Variants in HHAT observed in about 807,000 individuals in gnomAD.
The protein encoded by HHAT is hedgehog acyltransferase, also known as protein-cysteine N-palmitoyltransferase HHAT.
In HHAT, 47 loss-of-function variants were observed where a neutral mutation model predicts 70.8. The ratio of observed to expected loss-of-function variants is 0.66; its 90% CI spans 0.53 to 0.85. HHAT has a LOEUF of 0.85. Among genes scored for constraint, HHAT ranks in the 40% least tolerant of loss-of-function variants. The pLI is 0.00. For missense variants in HHAT, 609 were observed against 604.8 expected (o/e 1.01, Z -0.07); for synonymous variants, 228 against 247.6 (o/e 0.92, Z 0.74).
At chr1:210,443,286 C>T (rs1408302130) in intron 7 of HHAT, among the ~76,000 whole-genome samples, 24 of 151,844 alleles carry the variant, frequency 1.6e-4, no homozygotes, top group African/African-American at 5.6e-4. Context: ...TGTGATGCCT[C>T]CAGCTTTGTT....
Position 210,483,023 on chromosome 1 carries a change from G to T in HHAT, c.1007+18368G>T, listed in dbSNP as rs1464516823. 2.0e-5 allele frequency among the ~76,000 whole-genome samples: 3 copies of T among 152,176 alleles called. No individual in the cohort carries two copies. The East Asian group carries it at 5.8e-4, about 29-fold the overall frequency. Reference sequence around the variant, plus strand: ...AAACATAGCCTCTTTTGTGCTTGGGGATATTGGGGCTTTGGGGAGAGTTAT... The same window carrying T: ...AAACATAGCCTCTTTTGTGCTTGGGTATATTGGGGCTTTGGGGAGAGTTAT... On this transcript the variant is annotated intron_variant, in intron 8 of 11. Coordinates refer to ENST00000261458, the MANE Select transcript of HHAT (RefSeq NM_018194.6).
chr1:210,623,057 C>A (rs114887169), intron 10 of HHAT, among the ~76,000 whole-genome samples: 2,222 of 152,242 alleles, frequency 0.015, 42 homozygotes, highest in African/African-American at 0.051. Flanking sequence ...GTAGAATGAA[C>A]ATGGTGCAAG....
intron 10 of HHAT, 101 bp from the exon 11 acceptor site, chr1:210,623,425 G>T (rs547230191): frequency 4.5e-6 from 6 of 1,329,612 alleles, no homozygotes; most frequent in South Asian, 1.3e-5. Flanking sequence ...TGGGCTCTGT[G>T]GGGAGGCGTC....
intron 3 of HHAT, among the ~76,000 whole-genome samples, chr1:210,374,538 G>A (rs2090021583): frequency 6.6e-6 from 1 of 152,144 alleles, no homozygotes; most frequent in African/African-American, 2.4e-5. Context: ...TGCCTTTGGT[G>A]CTACCACTAG....
rs186750834 is a variant in HHAT at position 210,476,131 on chromosome 1, A to C, written c.1007+11476A>C. Among the ~76,000 whole-genome samples the C allele has an allele frequency of 1.1e-4, 17 of 152,362 alleles. No individual in the cohort carries two copies. In the East Asian group the frequency reaches 3.1e-3, roughly 28 times the overall value. On this transcript the variant is annotated intron_variant, in intron 8 of 11. Coordinates refer to ENST00000261458, the MANE Select transcript of HHAT (RefSeq NM_018194.6). ...GTTTTTTCTTCCTGTTAGACCAAGA[A>C]GAAAGGCAGAAGTTTTCTTATCCTT...
intron 9 of HHAT, among the ~76,000 whole-genome samples, chr1:210,579,299 G>T (rs1275354881): frequency 6.6e-6 from 1 of 152,082 alleles, no homozygotes; most frequent in East Asian, 1.9e-4. Flanking sequence ...TTAAAAAATA[G>T]TCAAACTCAT....
chr1:210,504,428 A>G (rs1221295331), intron 8 of HHAT, among the ~76,000 whole-genome samples: 1 of 152,226 alleles, frequency 6.6e-6, no homozygotes, highest in Non-Finnish European at 1.5e-5. Flanking sequence ...AAACAAGGCC[A>G]TGGAGGGATT....
intron 8 of HHAT, among the ~76,000 whole-genome samples, chr1:210,495,423 C>T (rs1298053654): frequency 1.3e-5 from 2 of 151,894 alleles, no homozygotes; most frequent in Non-Finnish European, 2.9e-5. Flanking sequence ...TAACTTTAGG[C>T]GTGTTAAATA....
intron 4 of HHAT, among the ~76,000 whole-genome samples, chr1:210,391,032 G>A (rs966872076): frequency 5.9e-5 from 9 of 152,176 alleles, no homozygotes; most frequent in Non-Finnish European, 4.4e-5. Context: ...GGGATTGCTG[G>A]ATCAAATGGT....
At chr1:210,632,449 G>A (rs150006215) in intron 11 of HHAT, among the ~76,000 whole-genome samples, 55 of 152,334 alleles carry the variant, frequency 3.6e-4, no homozygotes, top group African/African-American at 1.1e-3. Flanking sequence ...GTTGGACCAG[G>A]TGTGATGTTT....
At chr1:210,400,725 C>T (rs1373064159) in intron 5 of HHAT, 63 bp downstream of exon 5, 2 of 1,432,530 alleles carry the variant, frequency 1.4e-6, no homozygotes, top group Non-Finnish European at 1.9e-6. Context: ...GCCTTGATCC[C>T]AGTAGACACC....
At chr1:210,348,736 C>CGCGT (rs1553317704) in intron 1 of HHAT, among the ~76,000 whole-genome samples, 197 bp from the exon 2 acceptor site, 7 of 148,034 alleles carry the variant, frequency 4.7e-5, no homozygotes, top group South Asian at 2.2e-4. Context: ...TGTATGTGTG[C>CGCGT]GTGTGTGTGT....
chr1:210,541,384 G>A (rs1013236013), intron 9 of HHAT, among the ~76,000 whole-genome samples: 1 of 152,064 alleles, frequency 6.6e-6, no homozygotes, highest in East Asian at 1.9e-4. Flanking sequence ...CTCTTTGAGG[G>A]TAAAGGCTTA....
At chr1:210,650,095 A>G (rs1284216021) in intron 11 of HHAT, among the ~76,000 whole-genome samples, 1 of 152,196 alleles carries the variant, frequency 6.6e-6, no homozygotes, top group Admixed American at 6.5e-5. Context: ...GATGCTGAGG[A>G]CTGGGATATT....
At chr1:210,428,119 A>AT (rs11403081) in intron 7 of HHAT, among the ~76,000 whole-genome samples, 65,296 of 149,810 alleles carry the variant, frequency 0.44, 14,639 homozygotes, top group Admixed American at 0.53. Context: ...ACAATCCCTG[A>AT]TTTTTTCTGT....
intron 4 of HHAT, among the ~76,000 whole-genome samples, chr1:210,399,143 C>G (rs1007158021): frequency 6.6e-6 from 1 of 152,334 alleles, no homozygotes; most frequent in Non-Finnish European, 1.5e-5. Flanking sequence ...TTCCTGGGAT[C>G]CACATTTTAA....
At chr1:210,601,405 G>A (rs568089001) in intron 10 of HHAT, among the ~76,000 whole-genome samples, 13 of 152,164 alleles carry the variant, frequency 8.5e-5, no homozygotes, top group African/African-American at 2.9e-4. Context: ...GAAGAGCTGT[G>A]GCATTTGGTA....
chr1:210,626,299 G>A (rs1311477422), intron 11 of HHAT, among the ~76,000 whole-genome samples: 1 of 152,194 alleles, frequency 6.6e-6, no homozygotes, highest in African/African-American at 2.4e-5. Flanking sequence ...AACCCGGTCT[G>A]CTGCTGCCTC....
chr1:210,526,709 C>A (rs1032248095), intron 9 of HHAT, among the ~76,000 whole-genome samples: 4 of 151,626 alleles, frequency 2.6e-5, no homozygotes, highest in Non-Finnish European at 5.9e-5. Flanking sequence ...CTCTTCCAAT[C>A]TCAACAGCCT....
Sources: allele counts gnomAD v4.1 joint callset (sites outside exome capture counted in the v4.1 genomes callset), GRCh38; gene constraint gnomAD v4.1.1; transcripts MANE v1.5; gene names NCBI Gene and HGNC (gene_info 2026-07-23, HGNC 2026-07-21).